MYOM3: variants seen among roughly 807,000 people sequenced by gnomAD.
MYOM3 encodes the protein myomesin-3.
Under a neutral mutation model 191.7 loss-of-function variants are expected in MYOM3, and 155 were observed. That is an observed-to-expected ratio of 0.81 (90% CI 0.71 to 0.92). MYOM3 has a LOEUF of 0.92. Among genes scored for constraint, MYOM3 ranks in the 40% least tolerant of loss-of-function variants. The pLI is 0.00. For missense variants in MYOM3, 1,889 were observed against 1,890.6 expected (o/e 1.00, Z 0.02); for synonymous variants, 757 against 762.9 (o/e 0.99, Z 0.13).
At chr1:24,107,876 A>T in intron 3 of MYOM3, 117 bp downstream of exon 3, 1 of 836,194 alleles carries the variant, frequency 1.2e-6, no homozygotes, top group South Asian at 1.6e-5. Flanking sequence ...CTTATTCTAG[A>T]TGTGGGATTT....
chr1:24,088,231 G>A (rs769912335), intron 14 of MYOM3, among the ~76,000 whole-genome samples: 39 of 152,098 alleles, frequency 2.6e-4, no homozygotes, highest in Non-Finnish European at 5.4e-4. Flanking sequence ...CTGATTCCAC[G>A]CTCTGTGGTT....
rs778378166 is a variant in MYOM3 at position 24,093,090 on chromosome 1, G to A, written c.947C>T (p.Ser316Leu). The change falls in exon 10 of 37, where the codon TCG (serine) becomes TTG (leucine). Residue 316 changes from serine to leucine, a missense_variant. Transcript: ENST00000374434. ...WFRDGSLLRSSRRRKILYTDR... is the reference protein window; with the variant it reads ...WFRDGSLLRSLRRRKILYTDR... Reference sequence around the variant, plus strand: ...TGTGTAGAGGATCTTCCGACGTCTCGAGGACCTCAGTAGGCTCCCTGTGGA... The same window carrying A: ...TGTGTAGAGGATCTTCCGACGTCTCAAGGACCTCAGTAGGCTCCCTGTGGA... The A allele has an allele frequency of 3.3e-5, 53 of 1,610,022 alleles. No individual in the cohort carries two copies. In the Admixed American group the frequency reaches 4.2e-4, roughly 13 times the overall value.
At chr1:24,101,479 G>A (rs772583593) in intron 5 of MYOM3, among the ~76,000 whole-genome samples, 4 of 152,220 alleles carry the variant, frequency 2.6e-5, no homozygotes, top group Non-Finnish European at 5.9e-5. Flanking sequence ...GTATGTGGTG[G>A]CTCATGCCTG....
At chr1:24,086,038 CA>C (rs779401224) in intron 15 of MYOM3, among the ~76,000 whole-genome samples, 9 of 152,098 alleles carry the variant, frequency 5.9e-5, no homozygotes, top group Non-Finnish European at 8.8e-5. Flanking sequence ...CCTCAGAATC[CA>C]GAGGCCTCAG....
In MYOM3 at chr1:24,082,014, G is replaced by A; in HGVS notation, c.2267C>T (p.Thr756Ile). The A allele has an allele frequency of 4.3e-6, 7 of 1,610,552 alleles. No individual in the cohort carries two copies. The highest frequency in any genetic ancestry group is 5.1e-6 in the Non-Finnish European group (6 of 1,179,170). Residue 756 changes from threonine to isoleucine, a missense_variant, in exon 18 of 37, where the codon ACC (threonine) becomes ATC (isoleucine). Coordinates refer to ENST00000374434, the MANE Select transcript of MYOM3 (RefSeq NM_152372.4). ...TTCCAGCCCTACCTTGCAGACCCGG[G>A]TGGGGATGGGCTGCTGATTGACCGC... ...WHAVNQQPIP[T>I]RVCKVSDLHE...
intron 9 of MYOM3, among the ~76,000 whole-genome samples, 182 bp downstream of exon 9, chr1:24,094,671 A>G (rs1262415782): frequency 6.6e-6 from 1 of 152,040 alleles, no homozygotes; most frequent in South Asian, 2.1e-4. Context: ...GTGGCCATTT[A>G]TGGGGTGGCA....
rs766135314 is a variant in MYOM3 at position 24,062,043 on chromosome 1, G to A, written c.3837C>T (p.His1279=). ...TGTTLDEIWL[H]ILDPKDSDKG... is the part of the protein sequence containing the mutation. ...TGTCTGAGTCTTTGGGGTCCAGGAT[G>A]TGAAGCCAGATCTCATCCAGGGTGG... The change falls in exon 33 of 37, where the codon CAC becomes CAT. Residue 1279 remains histidine, a synonymous_variant. Transcript: ENST00000374434. 3.1e-6 allele frequency: 5 copies of A among 1,614,194 alleles called. No individual in the cohort carries two copies. The South Asian group carries it at 4.4e-5, about 14-fold the overall frequency.
chr1:24,069,562 T>A (rs1019259150), intron 25 of MYOM3, among the ~76,000 whole-genome samples: 8 of 151,998 alleles, frequency 5.3e-5, no homozygotes, highest in African/African-American at 1.9e-4. Flanking sequence ...GGACCTTTGA[T>A]ATATATATAA....
At chr1:24,096,498 T>TC in intron 7 of MYOM3, among the ~76,000 whole-genome samples, 1 of 152,138 alleles carries the variant, frequency 6.6e-6, no homozygotes, top group Non-Finnish European at 1.5e-5. Context: ...TGGGCTTGAC[T>TC]CTGGGCATGG....
At chr1:24,061,719 A>C (rs988720564) in intron 33 of MYOM3, among the ~76,000 whole-genome samples, 2 of 152,052 alleles carry the variant, frequency 1.3e-5, no homozygotes, top group African/African-American at 4.8e-5. Flanking sequence ...AGCTGGGAAT[A>C]TAGGCAGGCG....
chr1:24,081,985 C>T lies in MYOM3; in HGVS notation c.2280+16G>A, dbSNP rs539587692. The T allele has an allele frequency of 7.0e-5, 112 of 1,599,126 alleles. No individual in the cohort carries two copies. Among genetic ancestry groups the T allele is most frequent in the Non-Finnish European group, 9.2e-5 (108 of 1,173,016 alleles). ...AACAAGTCATGACACAGGCTGGGGC[C>T]ACCTTCCAGCCCTACCTTGCAGACC... On this transcript the variant is annotated intron_variant, in intron 18 of 36. Transcript: ENST00000374434.
chr1:24,057,272 C>T lies in MYOM3; in HGVS notation c.*92G>A. On this transcript the variant is annotated 3_prime_UTR_variant, in exon 37 of 37. Coordinates refer to ENST00000374434, the MANE Select transcript of MYOM3 (RefSeq NM_152372.4). ...TCTTGTCCCCTTTCCTTCTGCCCCACCCCTGTAGCCTGTGCCAGGCTGTGA... is the reference window on the plus strand; with the variant it reads ...TCTTGTCCCCTTTCCTTCTGCCCCATCCCTGTAGCCTGTGCCAGGCTGTGA... 2 of 1,355,542 alleles carry T rather than the reference C, an allele frequency of 1.5e-6. No individual in the cohort carries two copies. The highest frequency in any genetic ancestry group is 2.0e-6 in the Non-Finnish European group (2 of 981,464). The allele number at this position is 1,355,542 out of a possible 1,614,324, so 84.0% of individuals were successfully genotyped here. A position where few individuals can be genotyped will look rare whatever the true frequency, so the allele number is the denominator to read the frequency against.
At chr1:24,082,403 CA>C in intron 17 of MYOM3, 189 bp downstream of exon 17, 1 of 935,538 alleles carries the variant, frequency 1.1e-6, no homozygotes, top group Non-Finnish European at 1.5e-6. Context: ...GCTCAGGCCC[CA>C]TCCCATGGCC....
chr1:24,097,543 T>A (rs1643885056), intron 7 of MYOM3, among the ~76,000 whole-genome samples: 1 of 152,178 alleles, frequency 6.6e-6, no homozygotes, highest in African/African-American at 2.4e-5. Context: ...CAGAGAGAGC[T>A]GAGTTCAAGT....
chr1:24,092,146 G>A, intron 11 of MYOM3, 28 bp downstream of exon 11: 3 of 1,433,178 alleles, frequency 2.1e-6, no homozygotes, highest in Non-Finnish European at 2.8e-6. Flanking sequence ...TACCCCTAGG[G>A]CCTCTGCCAC....
chr1:24,093,195 C>T, intron 9 of MYOM3, 87 bp from the exon 10 acceptor site: 1 of 834,994 alleles, frequency 1.2e-6, no homozygotes, highest in South Asian at 1.5e-5. Context: ...TCTGGAGACC[C>T]TGGCTGGGCA....
At chr1:24,079,698 C>T (rs146790845) in intron 20 of MYOM3, among the ~76,000 whole-genome samples, 111 of 152,290 alleles carry the variant, frequency 7.3e-4, no homozygotes, top group African/African-American at 2.5e-3. Flanking sequence ...TGCACGTTTG[C>T]CTAATTACCT....
chr1:24,106,128 G>A (rs1167532805), intron 4 of MYOM3, 51 bp from the exon 5 acceptor site: 4 of 1,524,526 alleles, frequency 2.6e-6, no homozygotes, highest in East Asian at 4.6e-5. Flanking sequence ...CCACCTCTCT[G>A]CCATCTTTGC....
At position 24,102,668 on chromosome 1, in the gene MYOM3, G is replaced by A. The variant is rs144305699; in HGVS notation, c.561-2893C>T. 3.1e-3 allele frequency among the ~76,000 whole-genome samples: 469 copies of A among 152,248 alleles called. 4 individuals are homozygous for A. The highest frequency in any genetic ancestry group is 0.011 in the African/African-American group (440 of 41,542). ...TTCGAGACAGCCTGGGCAACATAGT[G>A]AGACTCTGTCTACAAAAAAATTGAA... is the stretch of plus-strand genomic sequence containing the variant. On this transcript the variant is annotated intron_variant, in intron 5 of 36. Transcript: ENST00000374434.
Sources: allele counts gnomAD v4.1 joint callset (sites outside exome capture counted in the v4.1 genomes callset), GRCh38; gene constraint gnomAD v4.1.1; transcripts MANE v1.5; gene names NCBI Gene and HGNC (gene_info 2026-07-23, HGNC 2026-07-21).